The following GALNT13 variants were observed in gnomAD, a reference collection of about 807,000 sequenced individuals.
GALNT13 encodes UDP-GalNAc:polypeptide N-acetylgalactosaminyltransferase 13.
A neutral mutation model predicts 64.2 loss-of-function variants in GALNT13; 28 were observed. That is an observed-to-expected ratio of 0.44 (90% CI 0.32 to 0.60). The LOEUF (loss-of-function observed/expected upper bound fraction) is 0.60, where lower values mean the gene tolerates loss of function less well. GALNT13 is among the 20% of genes least tolerant of loss of function. The pLI is 0.05. For missense variants in GALNT13, 577 were observed against 669.8 expected (o/e 0.86, Z 1.53); for synonymous variants, 214 against 224.6 (o/e 0.95, Z 0.42).
chr2:154,249,558 G>A (rs966011709), intron 7 of GALNT13, among the ~76,000 whole-genome samples: 2 of 152,048 alleles, frequency 1.3e-5, no homozygotes, highest in Non-Finnish European at 2.9e-5. Context: ...GATTAAAATA[G>A]ATTTTTTAAA....
At chr2:153,332,343 C>G in the GALNT13 span, among the ~76,000 whole-genome samples, 1 of 152,096 alleles carries the variant, frequency 6.6e-6, no homozygotes, top group Non-Finnish European at 1.5e-5. Context: ...ACTGATTTTT[C>G]TGTATCCCAG....
chr2:154,100,476 G>A (rs1702290190), intron 3 of GALNT13, among the ~76,000 whole-genome samples: 1 of 152,116 alleles, frequency 6.6e-6, no homozygotes, highest in Non-Finnish European at 1.5e-5. Flanking sequence ...TATTGTAAAT[G>A]AGATTGAGTT....
chr2:153,160,290 G>A, the GALNT13 span, among the ~76,000 whole-genome samples: 13 of 152,290 alleles, frequency 8.5e-5, no homozygotes, highest in African/African-American at 3.1e-4. Context: ...AGGATACAGT[G>A]ATGAACAAGA....
chr2:153,331,887 C>T, the GALNT13 span, among the ~76,000 whole-genome samples: 93 of 151,812 alleles, frequency 6.1e-4, no homozygotes, highest in Non-Finnish European at 1.1e-3. Flanking sequence ...TCAGTTTCTT[C>T]CTGTTTCAAT....
intron 7 of GALNT13, among the ~76,000 whole-genome samples, chr2:154,252,128 G>C (rs1690101486): frequency 6.6e-6 from 1 of 151,762 alleles, no homozygotes; most frequent in Non-Finnish European, 1.5e-5. Context: ...TGTGGTCTCT[G>C]AAACATTCTT....
chr2:154,395,847 A>C (rs1699029268), intron 9 of GALNT13, 144 bp from the exon 10 acceptor site: 2 of 589,468 alleles, frequency 3.4e-6, no homozygotes, highest in Non-Finnish European at 5.5e-6. Flanking sequence ...CGATGGTAGT[A>C]AAAATCCAGT....
the GALNT13 span, among the ~76,000 whole-genome samples, chr2:153,093,225 T>G: frequency 7.4e-6 from 1 of 135,404 alleles, no homozygotes; most frequent in African/African-American, 2.6e-5. Flanking sequence ...GGATCTTTCT[T>G]TTTTTCTTTT....
At chr2:153,462,624 C>A in the GALNT13 span, among the ~76,000 whole-genome samples, 1 of 152,066 alleles carries the variant, frequency 6.6e-6, no homozygotes, top group African/African-American at 2.4e-5. Flanking sequence ...TGTCAGGAAC[C>A]AAAGTCATTT....
At chr2:153,493,269 G>T in the GALNT13 span, among the ~76,000 whole-genome samples, 4 of 151,950 alleles carry the variant, frequency 2.6e-5, no homozygotes, top group Non-Finnish European at 5.9e-5. Context: ...ACCAAGCAAA[G>T]ATGATCACTG....
At chr2:154,012,175 A>G (rs889095242) in intron 3 of GALNT13, among the ~76,000 whole-genome samples, 4 of 152,166 alleles carry the variant, frequency 2.6e-5, no homozygotes, top group Admixed American at 6.6e-5. Flanking sequence ...TGGACTATGT[A>G]CTTAGTTGTG....
chr2:153,726,326 G>A, the GALNT13 span, among the ~76,000 whole-genome samples: 69 of 152,104 alleles, frequency 4.5e-4, no homozygotes, highest in African/African-American at 1.4e-3. Flanking sequence ...GATGTGACTC[G>A]TGTCTTTTTT....
the GALNT13 span, among the ~76,000 whole-genome samples, chr2:153,469,635 C>A: frequency 3.3e-5 from 5 of 152,138 alleles, no homozygotes; most frequent in African/African-American, 1.2e-4. Context: ...AGGAATGTTT[C>A]CAAGAAAAGT....
At chr2:153,857,405 T>C in the GALNT13 span, among the ~76,000 whole-genome samples, 2 of 152,224 alleles carry the variant, frequency 1.3e-5, no homozygotes. Context: ...AAGGGAATAA[T>C]GAAAGTCACT....
the GALNT13 span, among the ~76,000 whole-genome samples, chr2:153,852,876 A>T: frequency 6.6e-6 from 1 of 152,178 alleles, no homozygotes; most frequent in Non-Finnish European, 1.5e-5. Context: ...GATTAATAGG[A>T]TAGATGTATA....
the GALNT13 span, among the ~76,000 whole-genome samples, chr2:153,341,624 T>A: frequency 6.6e-6 from 1 of 152,152 alleles, no homozygotes; most frequent in Admixed American, 6.6e-5. Flanking sequence ...AATTGAACGC[T>A]CTCAATAAAG....
chr2:154,287,177 C>T, intron 8 of GALNT13: 1 of 1,479,648 alleles, frequency 6.8e-7, no homozygotes, highest in Admixed American at 1.7e-5. Context: ...ACAATTGGCT[C>T]AGCAGGAAGC....
intron 3 of GALNT13, among the ~76,000 whole-genome samples, chr2:154,043,546 A>G (rs569254705): frequency 6.6e-6 from 1 of 151,062 alleles, no homozygotes; most frequent in African/African-American, 2.4e-5. Flanking sequence ...ACTTATTTTT[A>G]TACATATAGG....
At chr2:153,658,677 CAG>C in the GALNT13 span, among the ~76,000 whole-genome samples, 1 of 151,864 alleles carries the variant, frequency 6.6e-6, no homozygotes, top group East Asian at 1.9e-4. Context: ...AGGGAAAAGA[CAG>C]ATACAAATTT....
the GALNT13 span, among the ~76,000 whole-genome samples, chr2:153,252,891 AG>A: frequency 6.6e-6 from 1 of 152,290 alleles, no homozygotes; most frequent in African/African-American, 2.4e-5. Flanking sequence ...TATAGTTTGA[AG>A]TCAGGTAGCG....
Sources: gnomAD v4.1 joint callset for allele counts (sites outside exome capture counted in the v4.1 genomes callset) on GRCh38, gnomAD v4.1.1 for gene constraint, MANE v1.5 for transcripts, NCBI Gene and HGNC (gene_info 2026-07-23, HGNC 2026-07-21) for gene names.